CA9: variants seen among roughly 807,000 people sequenced by gnomAD.
CA9 encodes carbonic anhydrase 9.
In CA9, 43 loss-of-function variants were observed where a neutral mutation model predicts 51.8. The ratio of observed to expected loss-of-function variants is 0.83; its 90% confidence interval spans 0.65 to 1.07. The LOEUF (loss-of-function observed/expected upper bound fraction) is 1.07, where lower values mean the gene tolerates loss of function less well. Ranked by LOEUF, CA9 falls within the 50% of genes least tolerant of loss-of-function variation. CA9 has a pLI of 0.00. For missense variants in CA9, 574 were observed against 581.4 expected (o/e 0.99, Z 0.13); for synonymous variants, 253 against 244.2 (o/e 1.04, Z -0.34).
rs1824395982 is a variant in CA9 at position 35,675,417 on chromosome 9, G to T, written c.404-121G>T. The T allele has an allele frequency of 2.6e-6, 3 of 1,150,450 alleles. No homozygotes were observed. The African/African-American group carries it at 4.5e-5, about 17-fold the overall frequency. The allele number at this position is 1,150,450 out of a possible 1,614,324, so 71.3% of individuals were successfully genotyped here. ...GTCTCCTGTGCTTTGCACCTGGCCCGCTTAAGGCATTTGTTACCCGTAATG... is the reference window on the plus strand; with the variant it reads ...GTCTCCTGTGCTTTGCACCTGGCCCTCTTAAGGCATTTGTTACCCGTAATG... On this transcript the variant is annotated intron_variant, in intron 1 of 10. Coordinates refer to ENST00000378357, the MANE Select transcript of CA9 (RefSeq NM_001216.3).
intron 6 of CA9, 93 bp from the exon 7 acceptor site, chr9:35,679,092 C>G: frequency 7.2e-7 from 1 of 1,389,088 alleles, no homozygotes; most frequent in South Asian, 1.2e-5. Context: ...GTTGAGTTAC[C>G]TTGGCTTCTG....
chr9:35,677,646 C>A (rs1299466501), intron 5 of CA9, 144 bp from the exon 6 acceptor site: 4 of 636,590 alleles, frequency 6.3e-6, no homozygotes, highest in African/African-American at 5.5e-5. Flanking sequence ...CAACAAAAAG[C>A]AACAACCATT....
At chr9:35,676,663 G>A (rs981227959) in intron 5 of CA9, among the ~76,000 whole-genome samples, 1 of 152,216 alleles carries the variant, frequency 6.6e-6, no homozygotes, top group Non-Finnish European at 1.5e-5. Flanking sequence ...AGTAAAGATG[G>A]TGGTCACAGA....
chr9:35,676,062 A>T lies in CA9; in HGVS notation c.605-2A>T, dbSNP rs778006697. Reference sequence around the variant, plus strand: ...CCGGCTCACTTGCCTCTCCCTACGCAGTGCAACTGACCCTGCCTCCTGGGC... The same window carrying T: ...CCGGCTCACTTGCCTCTCCCTACGCTGTGCAACTGACCCTGCCTCCTGGGC... On this transcript the variant is annotated splice_acceptor_variant, in intron 3 of 10. Coordinates refer to ENST00000378357, the MANE Select transcript of CA9 (RefSeq NM_001216.3). LOFTEE classifies it high-confidence loss of function. 1 of 1,612,830 alleles carries T rather than the reference A, an allele frequency of 6.2e-7. No individual in the cohort carries two copies. Among genetic ancestry groups the T allele is most frequent in the African/African-American group, 1.3e-5 (1 of 74,962 alleles).
chr9:35,676,025 T>C, intron 3 of CA9, 39 bp from the exon 4 acceptor site: 1 of 1,609,252 alleles, frequency 6.2e-7, no homozygotes, highest in South Asian at 1.1e-5. Context: ...GGGCTGGCCC[T>C]ACCGGGCGGG....
rs762888024 is a variant in CA9, at chr9:35,680,019, C to A, written c.1210+21C>A. On this transcript the variant is annotated intron_variant, in intron 8 of 10. Coordinates refer to ENST00000378357, the MANE Select transcript of CA9 (RefSeq NM_001216.3). ...GCCAGGTACAGCTTTGTCTGGTTTC[C>A]CCCCAGCCAGTAGTCCCTTATCCTC... is the stretch of plus-strand genomic sequence containing the variant. 2.5e-6 allele frequency: 4 copies of A among 1,614,070 alleles called. No individual in the cohort carries two copies. In the African/African-American group the frequency reaches 5.3e-5, roughly 22 times the overall value.
In CA9 at chr9:35,679,938, C is replaced by A. The variant is rs766449363; in HGVS notation, c.1150C>A (p.Arg384=). 1.2e-6 allele frequency: 2 copies of A among 1,614,112 alleles called. No individual in the cohort carries two copies. Among genetic ancestry groups the A allele is most frequent in the East Asian group, 4.5e-5 (2 of 44,884 alleles). The change falls in exon 8 of 11, where the codon CGA becomes AGA. Residue 384 remains arginine (R), a synonymous_variant. Coordinates refer to ENST00000378357, the MANE Select transcript of CA9 (RefSeq NM_001216.3). ...CCGAGCGACGCAGCCTTTGAATGGG[C>A]GAGTGATTGAGGCCTCCTTCCCTGC... ...NFRATQPLNG[R]VIEASFPAGV...
Position 35,680,892 on chromosome 9 carries a change from C to A in CA9, c.1319+58C>A, listed in dbSNP as rs1824536434. 6 of 1,609,502 alleles carry A rather than the reference C, an allele frequency of 3.7e-6. 1 individual carries two copies. In the South Asian group the frequency reaches 5.5e-5, roughly 15 times the overall value. On this transcript the variant is annotated intron_variant, in intron 10 of 10. Coordinates refer to ENST00000378357, the MANE Select transcript of CA9 (RefSeq NM_001216.3). ...TTCCCCCACCCTTGTGGAGTCACTT[C>A]ATGCAAAGCGCATGCAAATGAGCTG...
In CA9 at chr9:35,680,677, G is replaced by A. The variant is rs1395790889; in HGVS notation, c.1238-76G>A. 4 of 1,187,274 alleles carry A rather than the reference G, an allele frequency of 3.4e-6. No individual in the cohort carries two copies. The Admixed American group carries it at 5.2e-5, about 15-fold the overall frequency. 73.5% of individuals were successfully genotyped at this position (1,187,274 alleles called of 1,614,324 possible). ...GAACTCGGGGCAGGGGTGGTGGAGTGCACTGAGGCAGGTGTTGAGGAACTC... is the reference window on the plus strand; with the variant it reads ...GAACTCGGGGCAGGGGTGGTGGAGTACACTGAGGCAGGTGTTGAGGAACTC... On this transcript the variant is annotated intron_variant, in intron 9 of 10. Transcript: ENST00000378357.
Position 35,681,078 on chromosome 9 carries a change from C to G in CA9, c.*53C>G. 2 of 1,508,454 alleles carry G rather than the reference C, an allele frequency of 1.3e-6. No homozygotes were observed. The highest frequency in any genetic ancestry group is 3.5e-5 in the Admixed American group (2 of 57,928). The allele number at this position is 1,508,454 out of a possible 1,614,324, so 93.4% of individuals were successfully genotyped here. ...CCAGCCAGAGGCATCTGAGGGGGAG[C>G]CGGTAACTGTCCTGTCCTGCTCATT... On this transcript the variant is annotated 3_prime_UTR_variant, in exon 11 of 11. Transcript: ENST00000378357.
chr9:35,674,702 T>G, intron 1 of CA9: 1 of 207,950 alleles, frequency 4.8e-6, no homozygotes. Flanking sequence ...TCAGAGAGTT[T>G]GAGGGGAAGA....
chr9:35,676,167 C>T lies in CA9; in HGVS notation c.708C>T (p.Gly236=), dbSNP rs1024707689. 1.2e-6 allele frequency: 2 copies of T among 1,612,220 alleles called. No individual in the cohort carries two copies. The highest frequency in any genetic ancestry group is 2.2e-5 in the East Asian group (1 of 44,874). Residue 236 remains glycine (G), a synonymous_variant, in exon 4 of 11, where the codon GGC becomes GGT. Coordinates refer to ENST00000378357, the MANE Select transcript of CA9 (RefSeq NM_001216.3). ...HLHWGAAGRP[G]SEHTVEGHRF... is the part of the protein sequence containing the mutation. ...ACTGGGGGGCTGCAGGTCGTCCGGGCTCGGAGCACACTGTGGAAGGCCACC... is the reference window on the plus strand; with the variant it reads ...ACTGGGGGGCTGCAGGTCGTCCGGGTTCGGAGCACACTGTGGAAGGCCACC...
At chr9:35,676,240 A>AGCGGG (rs1824419978) in intron 4 of CA9, 34 bp downstream of exon 4, 1 of 1,612,582 alleles carries the variant, frequency 6.2e-7, no homozygotes, top group Non-Finnish European at 8.5e-7. Context: ...GGGGCAAAGG[A>AGCGGG]GCGGGGCGGA....
Position 35,674,140 on chromosome 9 carries a change from G to A in CA9, c.181G>A (p.Gly61Ser), listed in dbSNP as rs566948142. 2.0e-5 allele frequency: 32 copies of A among 1,614,158 alleles called. No homozygotes were observed. In the South Asian group the frequency reaches 3.4e-4, roughly 17 times the overall value. ...CTCTTCTGGGGAAGATGACCCACTGGGCGAGGAGGATCTGCCCAGTGAAGA... is the reference window on the plus strand; with the variant it reads ...CTCTTCTGGGGAAGATGACCCACTGAGCGAGGAGGATCTGCCCAGTGAAGA... ...GGSSGEDDPLGEEDLPSEEDS... is the reference protein window; with the variant it reads ...GGSSGEDDPLSEEDLPSEEDS... Residue 61 changes from glycine (G) to serine (S), a missense_variant, in exon 1 of 11, where the codon GGC becomes AGC. Gly to Ser is a moderately conservative substitution (Grantham distance 56). Transcript: ENST00000378357.
In CA9 at chr9:35,676,312, C is replaced by G. The variant is rs1265724493; in HGVS notation, c.763C>G (p.Leu255Val). The change falls in exon 5 of 11, where the codon CTC becomes GTC. Residue 255 changes from leucine to valine, a missense_variant. Transcript: ENST00000378357. ...RFPAEIHVVH[L>V]STAFARVDEA... ...TCCTTTTCAGATCCACGTGGTTCAC[C>G]TCAGCACCGCCTTTGCCAGAGTTGA... The G allele has an allele frequency of 6.2e-7, 1 of 1,614,142 alleles. No individual in the cohort carries two copies. The highest frequency in any genetic ancestry group is 8.5e-7 in the Non-Finnish European group (1 of 1,180,038).
rs2131836592 is a variant in CA9, at chr9:35,676,319, C to A, written c.770C>A (p.Thr257Asn). ...PAEIHVVHLS[T>N]AFARVDEALG... Reference sequence around the variant, plus strand: ...CAGATCCACGTGGTTCACCTCAGCACCGCCTTTGCCAGAGTTGACGAGGCC... The same window carrying A: ...CAGATCCACGTGGTTCACCTCAGCAACGCCTTTGCCAGAGTTGACGAGGCC... Residue 257 changes from threonine (T) to asparagine (N), a missense_variant, in exon 5 of 11, where the codon ACC becomes AAC. By Grantham distance (65) the Thr-to-Asn change is moderately conservative. Coordinates refer to ENST00000378357, the MANE Select transcript of CA9 (RefSeq NM_001216.3). The A allele has an allele frequency of 1.9e-6, 3 of 1,614,140 alleles. No homozygotes were observed. The highest frequency in any genetic ancestry group is 2.2e-5 in the East Asian group (1 of 44,880).
In CA9 at chr9:35,674,614, G is replaced by A. The variant is rs561827944; in HGVS notation, c.403+252G>A. The A allele has an allele frequency of 9.9e-4, 424 of 427,088 alleles. 7 individuals carry two copies. In the East Asian group the frequency reaches 0.016, roughly 16 times the overall value. 26.5% of individuals were successfully genotyped at this position (427,088 alleles called of 1,614,324 possible). On this transcript the variant is annotated intron_variant, in intron 1 of 10. Transcript: ENST00000378357. ...GAGATGGGAGAGAAGGGGGAGGCTGGAGAAGAGAAAGGGATGAGAACTGCA... is the reference window on the plus strand; with the variant it reads ...GAGATGGGAGAGAAGGGGGAGGCTGAAGAAGAGAAAGGGATGAGAACTGCA...
chr9:35,677,991 T>A, intron 6 of CA9, 135 bp downstream of exon 6: 1 of 724,742 alleles, frequency 1.4e-6, no homozygotes, highest in Non-Finnish European at 2.4e-6. Flanking sequence ...GCGCTCATCT[T>A]GATAATAACC....
At position 35,679,578 on chromosome 9, in the gene CA9, C is replaced by T. The variant is rs117795561; in HGVS notation, c.1065+236C>T. Among the ~76,000 whole-genome samples, 487 of 152,172 alleles carry T rather than the reference C, an allele frequency of 3.2e-3. 2 individuals are homozygous for T. Among genetic ancestry groups the T allele is most frequent in the Non-Finnish European group, 4.6e-3 (313 of 67,994 alleles). The stretch of plus-strand genomic sequence containing the variant: ...AAACCCCAACAAAACCAAAAATAGC[C>T]GGGCATGGTGGTATGCGCCTAGTCC... On this transcript the variant is annotated intron_variant, in intron 7 of 10. Transcript: ENST00000378357.
Sources: gnomAD v4.1 joint callset for allele counts (sites outside exome capture counted in the v4.1 genomes callset) on GRCh38, gnomAD v4.1.1 for gene constraint, MANE v1.5 for transcripts, NCBI Gene and HGNC (gene_info 2026-07-23, HGNC 2026-07-21) for gene names.